SMYD3: variants seen among roughly 807,000 people sequenced by gnomAD.
SMYD3 encodes histone-lysine N-methyltransferase SMYD3.
SMYD3 carries 36 observed loss-of-function variants against 57.7 expected under a neutral mutation model. The observed-to-expected ratio is 0.62, with a 90% CI of 0.48 to 0.82. The LOEUF (loss-of-function observed/expected upper bound fraction) is 0.82, where lower values mean the gene tolerates loss of function less well. SMYD3 is among the 40% of genes least tolerant of loss of function. SMYD3 has a pLI of 0.00. For missense variants in SMYD3, 515 were observed against 538.8 expected (o/e 0.96, Z 0.44); for synonymous variants, 211 against 195.0 (o/e 1.08, Z -0.68).
intron 5 of SMYD3, among the ~76,000 whole-genome samples, chr1:246,248,742 C>T (rs981457022): frequency 7.5e-5 from 11 of 147,200 alleles, no homozygotes; most frequent in East Asian, 2.1e-4. Context: ...CCCGGGTTCA[C>T]GCCATTGTCC....
chr1:245,915,977 C>A (rs753392416), intron 7 of SMYD3, among the ~76,000 whole-genome samples: 1 of 152,034 alleles, frequency 6.6e-6, no homozygotes, highest in Non-Finnish European at 1.5e-5. Context: ...CTAATAAATT[C>A]TATAACCATT....
chr1:246,257,636 C>T (rs1480514721), intron 5 of SMYD3, among the ~76,000 whole-genome samples: 1 of 152,180 alleles, frequency 6.6e-6, no homozygotes, highest in African/African-American at 2.4e-5. Flanking sequence ...TTAATATTCA[C>T]ATTTGAGGTT....
intron 5 of SMYD3, among the ~76,000 whole-genome samples, chr1:246,248,070 A>C (rs2063737821): frequency 6.6e-6 from 1 of 152,222 alleles, no homozygotes; most frequent in Non-Finnish European, 1.5e-5. Context: ...AATAGTTAAC[A>C]GGCAGAGAGC....
chr1:246,447,513 C>T (rs980469330), intron 1 of SMYD3, among the ~76,000 whole-genome samples: 1 of 151,280 alleles, frequency 6.6e-6, no homozygotes, highest in African/African-American at 2.5e-5. Context: ...ATACACGAGA[C>T]AGAAACTGAC....
intron 5 of SMYD3, among the ~76,000 whole-genome samples, chr1:246,113,111 G>A (rs1262109740): frequency 6.6e-6 from 1 of 151,956 alleles, no homozygotes; most frequent in Non-Finnish European, 1.5e-5. Flanking sequence ...GAACCCAGGA[G>A]GCGGAGCTTG....
intron 10 of SMYD3, among the ~76,000 whole-genome samples, chr1:245,834,293 T>C (rs1012937085): frequency 2.0e-5 from 3 of 152,204 alleles, no homozygotes; most frequent in African/African-American, 7.2e-5. Context: ...CTTGCACGTC[T>C]GTGAGCTATG....
chr1:246,268,358 T>A (rs894746452), intron 5 of SMYD3, among the ~76,000 whole-genome samples: 1 of 152,104 alleles, frequency 6.6e-6, no homozygotes, highest in Admixed American at 6.6e-5. Flanking sequence ...CCCTATATGA[T>A]CTAAAAAGGG....
chr1:246,403,130 T>C (rs2066799729), intron 1 of SMYD3, among the ~76,000 whole-genome samples: 2 of 152,188 alleles, frequency 1.3e-5, no homozygotes, highest in Non-Finnish European at 2.9e-5. Flanking sequence ...CTGGACTACA[T>C]GGCTTTTTTA....
intron 5 of SMYD3, among the ~76,000 whole-genome samples, chr1:246,286,960 C>G (rs1435624721): frequency 6.6e-6 from 1 of 151,576 alleles, no homozygotes; most frequent in Non-Finnish European, 1.5e-5. Flanking sequence ...AACCTCCGCC[C>G]CCTAGGTTCA....
chr1:245,814,393 G>T, intron 10 of SMYD3: 3 of 984,150 alleles, frequency 3.0e-6, no homozygotes, highest in Non-Finnish European at 3.6e-6. Context: ...TTTAAAAGAA[G>T]ATTCTTTCCT....
intron 8 of SMYD3, among the ~76,000 whole-genome samples, chr1:245,884,312 GACAC>G (rs2052958885): frequency 6.6e-6 from 1 of 152,180 alleles, no homozygotes; most frequent in African/African-American, 2.4e-5. Flanking sequence ...CGAGGATGCA[GACAC>G]ACAAAGTGAT....
intron 5 of SMYD3, among the ~76,000 whole-genome samples, chr1:246,026,658 T>C (rs1281905599): frequency 6.6e-6 from 1 of 152,226 alleles, no homozygotes; most frequent in Non-Finnish European, 1.5e-5. Context: ...ATGAGACAGT[T>C]AACTTAATCC....
chr1:245,786,795 G>A (rs931825734), intron 10 of SMYD3, among the ~76,000 whole-genome samples: 1 of 151,998 alleles, frequency 6.6e-6, no homozygotes, highest in African/African-American at 2.4e-5. Flanking sequence ...CTGGAATCCA[G>A]CATCTAAATA....
At chr1:246,471,568 A>T (rs1461656516) in intron 1 of SMYD3, among the ~76,000 whole-genome samples, 1 of 152,206 alleles carries the variant, frequency 6.6e-6, no homozygotes, top group East Asian at 1.9e-4. Flanking sequence ...TAACAAAATA[A>T]ACTTTCCAGT....
chr1:245,840,916 G>C (rs2885648), intron 10 of SMYD3, among the ~76,000 whole-genome samples: 33,300 of 152,072 alleles, frequency 0.22, 4,271 homozygotes, highest in East Asian at 0.46. Context: ...CCTAGAAGCA[G>C]TGCAGAGAGC....
chr1:245,764,222 G>T, intron 10 of SMYD3, 73 bp from the exon 11 acceptor site: 1 of 972,958 alleles, frequency 1.0e-6, no homozygotes. Flanking sequence ...AGGAGACTAC[G>T]AAAGTGGAAG....
At chr1:245,889,692 C>A (rs576057908) in intron 8 of SMYD3, among the ~76,000 whole-genome samples, 1 of 152,046 alleles carries the variant, frequency 6.6e-6, no homozygotes, top group Non-Finnish European at 1.5e-5. Flanking sequence ...CAATGCAATC[C>A]CTCTCAAAAT....
chr1:246,451,615 C>T (rs994332300), intron 1 of SMYD3, among the ~76,000 whole-genome samples: 4 of 152,186 alleles, frequency 2.6e-5, no homozygotes, highest in African/African-American at 9.6e-5. Flanking sequence ...AGGGTGAACG[C>T]TAATGTAAAC....
At chr1:245,895,955 A>C (rs67945592) in intron 8 of SMYD3, among the ~76,000 whole-genome samples, 27,286 of 152,248 alleles carry the variant, frequency 0.18, 2,578 homozygotes, top group East Asian at 0.29. Context: ...TTATATTTAC[A>C]GAAGAAACTA....
Sources: allele counts gnomAD v4.1 joint callset (sites outside exome capture counted in the v4.1 genomes callset), GRCh38; gene constraint gnomAD v4.1.1; transcripts MANE v1.5; gene names NCBI Gene and HGNC (gene_info 2026-07-23, HGNC 2026-07-21).